CCND2: variants seen among roughly 807,000 people sequenced by gnomAD.
CCND2 encodes cyclin D2, also known as G1/S-specific cyclin-D2.
CCND2 carries 6 observed loss-of-function variants against 30.2 expected under a neutral mutation model. That is an observed-to-expected ratio of 0.20 (90% CI 0.11 to 0.39). CCND2 has a LOEUF of 0.39. CCND2 is among the 10% of genes least tolerant of loss of function. The pLI, the probability that CCND2 is intolerant of heterozygous loss-of-function variation, is 1.00. For missense variants in CCND2, 235 were observed against 373.4 expected, an observed-to-expected ratio of 0.63 and a Z score of 3.06; for synonymous variants, 150 against 153.1, an observed-to-expected ratio of 0.98 and a Z score of 0.15.
rs964237339 is a variant in CCND2 at position 4,302,438 on chromosome 12, C to G, written c.*2429C>G. On this transcript the variant is annotated 3_prime_UTR_variant, in exon 5 of 5. Transcript: ENST00000261254. ...AGCGGGGCTTCATCTGCAAAGGGCC[C>G]TTTCATCTTGAAGTTTTTCCCCTCC... 4 of 232,984 alleles carry G rather than the reference C, an allele frequency of 1.7e-5. No homozygotes were observed. The highest frequency in any genetic ancestry group is 8.8e-5 in the African/African-American group (4 of 45,296). The allele number at this position is 232,984 out of a possible 1,614,324, so 14.4% of individuals were successfully genotyped here.
Position 4,276,986 on chromosome 12 carries a change from C to G in CCND2, c.411+766C>G, listed in dbSNP as rs1372845408. ...TTTGCACACCCCTCTTTGCACTGTT[C>G]AGAAAAGCACCCCCTCCTTCCCGCC... On this transcript the variant is annotated intron_variant, in intron 2 of 4. Transcript: ENST00000261254. The surrounding 1 kb of genome is among the most constrained non-coding windows in gnomAD (Gnocchi z 4.8). Among the ~76,000 whole-genome samples, 1 of 152,222 alleles carries G rather than the reference C, an allele frequency of 6.6e-6. No individual in the cohort carries two copies. Among genetic ancestry groups the G allele is most frequent in the Admixed American group, 6.5e-5 (1 of 15,282 alleles).
chr12:4,297,591 A>AG (rs1166553200), intron 4 of CCND2, among the ~76,000 whole-genome samples: 18 of 150,830 alleles, frequency 1.2e-4, no homozygotes, highest in African/African-American at 4.0e-4. Context: ...AAAAAAAAAA[A>AG]AAAAAACAGA....
chr12:4,288,706 A>AGG, intron 3 of CCND2, 136 bp from the exon 4 acceptor site: 1 of 715,282 alleles, frequency 1.4e-6, no homozygotes, highest in Non-Finnish European at 2.3e-6. Context: ...AACTCGAGGG[A>AGG]GGACATGCCT....
Position 4,299,868 on chromosome 12 carries a change from C to T in CCND2, c.729C>T (p.Leu243=). ...AKITNTDVDC[L]KACQEQIEAV... ...CTGGACCATTGTTCTAGGATTGTCT[C>T]AAAGCTTGCCAGGAGCAGATTGAGG... Residue 243 remains leucine, a synonymous_variant, in exon 5 of 5, where the codon CTC becomes CTT. Transcript: ENST00000261254. This position sits in a 1 kb window ranked among gnomAD's most constrained non-coding sequence, Gnocchi z 5.2. 6.2e-7 allele frequency: 1 copy of T among 1,614,054 alleles called. No individual in the cohort carries two copies. Among genetic ancestry groups the T allele is most frequent in the Non-Finnish European group, 8.5e-7 (1 of 1,179,948 alleles).
At chr12:4,289,313 G>A (rs1459189140) in intron 4 of CCND2, among the ~76,000 whole-genome samples, 1 of 152,028 alleles carries the variant, frequency 6.6e-6, no homozygotes, top group Non-Finnish European at 1.5e-5. Flanking sequence ...ACGCTGCCAG[G>A]CTGCCTCTGC....
rs1864289132 is a variant in CCND2, at chr12:4,304,382, C to CAA, written c.*4375_*4376dup. 8.6e-6 allele frequency: 2 copies of CAA among 233,522 alleles called. No individual in the cohort carries two copies. The highest frequency in any genetic ancestry group is 1.7e-5 in the Non-Finnish European group (2 of 118,022). 14.5% of individuals were successfully genotyped at this position (233,522 alleles called of 1,614,324 possible). A position where few individuals can be genotyped will look rare whatever the true frequency, so the allele number is the denominator to read the frequency against. On this transcript the variant is annotated 3_prime_UTR_variant, in exon 5 of 5. Coordinates refer to ENST00000261254, the MANE Select transcript of CCND2 (RefSeq NM_001759.4). The surrounding 1 kb of genome is among the most constrained non-coding windows in gnomAD (Gnocchi z 6.2). ...AGATGATAAAGTCCCCTTAAGCCAA[C>CAA]AAACCCTCTGTAGCTATAGAATGAG...
In CCND2 at chr12:4,287,242, G is replaced by T. The variant is rs1300253158; in HGVS notation, c.572-1600G>T. ...TTTGCTCTGCGTTCATGATGGGAGG[G>T]GAGGGCTGTGCTTGGCTCAGGGATC... is the stretch of plus-strand genomic sequence containing the variant. On this transcript the variant is annotated intron_variant, in intron 3 of 4. Transcript: ENST00000261254. This position sits in a 1 kb window ranked among gnomAD's most constrained non-coding sequence, Gnocchi z 4.0. Among the ~76,000 whole-genome samples, 1 of 152,218 alleles carries T rather than the reference G, an allele frequency of 6.6e-6. No homozygotes were observed. Among genetic ancestry groups the T allele is most frequent in the Non-Finnish European group, 1.5e-5 (1 of 68,046 alleles).
intron 4 of CCND2, among the ~76,000 whole-genome samples, chr12:4,295,322 C>T (rs1864153735): frequency 6.6e-6 from 1 of 152,130 alleles, no homozygotes; most frequent in Admixed American, 6.5e-5. Flanking sequence ...GGAAGTGGAA[C>T]CTGAAGGAAG....
chr12:4,274,297 C>A lies in CCND2; in HGVS notation c.195+62C>A. 1 of 1,567,098 alleles carries A rather than the reference C, an allele frequency of 6.4e-7. No individual in the cohort carries two copies. The highest frequency in any genetic ancestry group is 2.3e-5 in the East Asian group (1 of 44,434). On this transcript the variant is annotated intron_variant, in intron 1 of 4. Transcript: ENST00000261254. This position sits in a 1 kb window ranked among gnomAD's most constrained non-coding sequence, Gnocchi z 7.7. ...CCCTCCGGATGCTCGGGTCCCCGGC[C>A]GGAGCCCTAAACCTGGGAGAGGGCA...
intron 4 of CCND2, among the ~76,000 whole-genome samples, chr12:4,290,529 C>T (rs1396944009): frequency 6.6e-6 from 1 of 152,226 alleles, no homozygotes; most frequent in Non-Finnish European, 1.5e-5. Context: ...AAGACAAGCC[C>T]TTCCTCAATG....
intron 3 of CCND2, among the ~76,000 whole-genome samples, chr12:4,284,099 T>C (rs1863989388): frequency 6.6e-6 from 1 of 152,032 alleles, no homozygotes; most frequent in Admixed American, 6.5e-5. Context: ...CTGGAGAGCA[T>C]CTCCAGTCGG....
chr12:4,304,849 C>G lies in CCND2; in HGVS notation c.*4840C>G, dbSNP rs1476454573. 4.3e-6 allele frequency: 1 copy of G among 233,602 alleles called. No homozygotes were observed. Among genetic ancestry groups the G allele is most frequent in the Non-Finnish European group, 8.5e-6 (1 of 118,070 alleles). The allele number at this position is 233,602 out of a possible 1,614,324, so 14.5% of individuals were successfully genotyped here. On this transcript the variant is annotated 3_prime_UTR_variant, in exon 5 of 5. Transcript: ENST00000261254. The surrounding 1 kb of genome is among the most constrained non-coding windows in gnomAD (Gnocchi z 6.2). ...AATTGGTTTAGTTCTTAACTGCTGG[C>G]CAACTCTTACATCCCCAGCAAATCA...
At chr12:4,287,000 A>G (rs1429757376) in intron 3 of CCND2, among the ~76,000 whole-genome samples, 3 of 152,254 alleles carry the variant, frequency 2.0e-5, no homozygotes, top group Non-Finnish European at 4.4e-5. Flanking sequence ...GTTATTGGGC[A>G]GAGAAACACT....
chr12:4,289,853 A>G (rs1024591463), intron 4 of CCND2, among the ~76,000 whole-genome samples: 5 of 152,180 alleles, frequency 3.3e-5, no homozygotes, highest in Non-Finnish European at 5.9e-5. Flanking sequence ...AGCTGGGGCT[A>G]GAACCCCCAG....
chr12:4,278,861 G>A lies in CCND2; in HGVS notation c.513G>A (p.Arg171=), dbSNP rs1227783703. Reference sequence around the variant, plus strand: ...TCTTGCGCAAGCTGCCCCAGCAGCGGGAGAAGCTGTCTCTGATCCGCAAGC... The same window carrying A: ...TCTTGCGCAAGCTGCCCCAGCAGCGAGAGAAGCTGTCTCTGATCCGCAAGC... ...EHILRKLPQQ[R]EKLSLIRKHA... The change falls in exon 3 of 5, where the codon CGG becomes CGA. Residue 171 remains arginine (R), a synonymous_variant. Transcript: ENST00000261254. 1 of 1,614,176 alleles carries A rather than the reference G, an allele frequency of 6.2e-7. No individual in the cohort carries two copies. Among genetic ancestry groups the A allele is most frequent in the South Asian group, 1.1e-5 (1 of 91,084 alleles).
Position 4,300,717 on chromosome 12 carries a change from T to G in CCND2, c.*708T>G, listed in dbSNP as rs1040794560. The stretch of plus-strand genomic sequence containing the variant: ...TCATGTTCTGTGACATCCTGCTTCT[T>G]CTTCCAAATGCAGTTCATTGCAGAC... On this transcript the variant is annotated 3_prime_UTR_variant, in exon 5 of 5. Transcript: ENST00000261254. 4.3e-5 allele frequency: 10 copies of G among 233,642 alleles called. No individual in the cohort carries two copies. The highest frequency in any genetic ancestry group is 2.2e-4 in the African/African-American group (10 of 45,368). The allele number at this position is 233,642 out of a possible 1,614,324, so 14.5% of individuals were successfully genotyped here.
chr12:4,289,585 G>A (rs917483273), intron 4 of CCND2, among the ~76,000 whole-genome samples: 4 of 152,216 alleles, frequency 2.6e-5, no homozygotes, highest in African/African-American at 7.2e-5. Flanking sequence ...ATTAGCTACG[G>A]AGCTTCCCCA....
At position 4,304,229 on chromosome 12, in the gene CCND2, G is replaced by A. The variant is rs1027979633; in HGVS notation, c.*4220G>A. The stretch of plus-strand genomic sequence containing the variant: ...TCAAGAAGATAATATTGGTAGTGTG[G>A]GAATTGGAGGTAGGAAGGGGAGGAA... On this transcript the variant is annotated 3_prime_UTR_variant, in exon 5 of 5. Transcript: ENST00000261254. This position sits in a 1 kb window ranked among gnomAD's most constrained non-coding sequence, Gnocchi z 6.2. The A allele has an allele frequency of 4.3e-6, 1 of 233,686 alleles. No individual in the cohort carries two copies. Among genetic ancestry groups the A allele is most frequent in the East Asian group, 6.0e-5 (1 of 16,586 alleles). The allele number at this position is 233,686 out of a possible 1,614,324, so 14.5% of individuals were successfully genotyped here. A position where few individuals can be genotyped will look rare whatever the true frequency, so the allele number is the denominator to read the frequency against.
Position 4,302,945 on chromosome 12 carries a change from C to G in CCND2, c.*2936C>G, listed in dbSNP as rs1179149855. ...AGAGTTTTCTCAAGAGCCAGCTTTGCTCAGCACACTCTCCTGGGCCCCAAG... is the reference window on the plus strand; with the variant it reads ...AGAGTTTTCTCAAGAGCCAGCTTTGGTCAGCACACTCTCCTGGGCCCCAAG... On this transcript the variant is annotated 3_prime_UTR_variant, in exon 5 of 5. Coordinates refer to ENST00000261254, the MANE Select transcript of CCND2 (RefSeq NM_001759.4). 1 of 233,208 alleles carries G rather than the reference C, an allele frequency of 4.3e-6. No individual in the cohort carries two copies. Among genetic ancestry groups the G allele is most frequent in the East Asian group, 6.0e-5 (1 of 16,604 alleles). The allele number at this position is 233,208 out of a possible 1,614,324, so 14.4% of individuals were successfully genotyped here.
Sources: gnomAD v4.1 joint callset for allele counts (sites outside exome capture counted in the v4.1 genomes callset) on GRCh38, gnomAD v4.1.1 for gene constraint, Gnocchi (gnomAD v3.1) non-coding constraint, MANE v1.5 for transcripts, NCBI Gene and HGNC (gene_info 2026-07-23, HGNC 2026-07-21) for gene names.